Variants in NSF observed in about 807,000 individuals in gnomAD.
NSF encodes N-ethylmaleimide sensitive factor, vesicle fusing ATPase, also known as vesicle-fusing ATPase.
NSF carries 14 observed loss-of-function variants against 50.3 expected under a neutral mutation model. The ratio of observed to expected loss-of-function variants is 0.28; its 90% CI spans 0.18 to 0.44. The LOEUF (loss-of-function observed/expected upper bound fraction) is 0.44. NSF is among the 20% of genes least tolerant of loss of function. The pLI is 1.00. For missense variants in NSF, 218 were observed against 504.3 expected, an observed-to-expected ratio of 0.43 and a Z score of 5.44; for synonymous variants, 109 against 175.7, an observed-to-expected ratio of 0.62 and a Z score of 3.00.
Position 46,711,089 on chromosome 17 carries a change from C to G in NSF, c.1597C>G (p.Arg533Gly). The G allele has an allele frequency of 6.4e-7, 1 of 1,560,304 alleles. No individual in the cohort carries two copies. The highest frequency in any genetic ancestry group is 8.6e-7 in the Non-Finnish European group (1 of 1,160,440). Residue 533 changes from arginine (R) to glycine (G), a missense_variant, in exon 14 of 21, where the codon CGC (arginine) becomes GGC (glycine). Around this residue, in one of 2 missense-constraint regions of NSF, gnomAD observed 209 missense variants for 320.9 expected, o/e 0.65. Coordinates refer to ENST00000398238, the MANE Select transcript of NSF (RefSeq NM_006178.4). ...LLVQQTKNSD[R>G]TPLVSVLLEG... is the part of the protein sequence containing the mutation. ...GGTGCAGCAGACTAAGAACAGTGACCGCACACCATTGGTCAGCGTGCTTCT... is the reference window on the plus strand; with the variant it reads ...GGTGCAGCAGACTAAGAACAGTGACGGCACACCATTGGTCAGCGTGCTTCT...
intron 15 of NSF, among the ~76,000 whole-genome samples, chr17:46,715,690 AT>A (rs2058761202): frequency 6.6e-6 from 1 of 152,154 alleles, no homozygotes; most frequent in South Asian, 2.1e-4. Flanking sequence ...CATTTTTATT[AT>A]TTTAATCTCT....
chr17:46,602,155 AACAGAACGAG>A (rs1362991158), intron 1 of NSF, among the ~76,000 whole-genome samples: 1 of 126,476 alleles, frequency 7.9e-6, no homozygotes, highest in Non-Finnish European at 1.6e-5. Flanking sequence ...CAGCCTGGGC[AACAGAACGAG>A]ACAGTTTTTT....
At chr17:46,750,624 T>C (rs1160941883) in intron 18 of NSF, among the ~76,000 whole-genome samples, 1 of 152,234 alleles carries the variant, frequency 6.6e-6, no homozygotes, top group African/African-American at 2.4e-5. Context: ...AGTGAGTTAA[T>C]TTCCCATTCC....
chr17:46,721,386 CA>C (rs1428768406), intron 15 of NSF, among the ~76,000 whole-genome samples: 5 of 152,182 alleles, frequency 3.3e-5, no homozygotes, highest in Admixed American at 2.0e-4. Flanking sequence ...CTCTTTCCCA[CA>C]TTGTTTCCTT....
rs561491079 is a variant in NSF at position 46,675,586 on chromosome 17, A to T, written c.945+973A>T. On this transcript the variant is annotated intron_variant, in intron 9 of 20. Transcript: ENST00000398238. ...AACGATTATGGAGGCTGACATATATATGTGGGTGTATATGCATACATACAT... is the reference window on the plus strand; with the variant it reads ...AACGATTATGGAGGCTGACATATATTTGTGGGTGTATATGCATACATACAT... Among the ~76,000 whole-genome samples, 1,200 of 128,834 alleles carry T rather than the reference A, an allele frequency of 9.3e-3. 71 individuals carry two copies. The highest frequency in any genetic ancestry group is 0.015 in the Middle Eastern group (4 of 264). 84.5% of individuals were successfully genotyped at this position (128,834 alleles called of 152,430 possible). A position where few individuals can be genotyped will look rare whatever the true frequency, so the allele number is the denominator to read the frequency against.
At chr17:46,728,990 C>T (rs1211457675) in intron 17 of NSF, 56 bp downstream of exon 17, 3 of 1,061,548 alleles carry the variant, frequency 2.8e-6, no homozygotes, top group African/African-American at 3.2e-5. Flanking sequence ...CAGTAAATCG[C>T]ATATAATGAT....
intron 1 of NSF, among the ~76,000 whole-genome samples, chr17:46,598,459 C>T (rs1421420327): frequency 6.6e-6 from 1 of 151,904 alleles, no homozygotes; most frequent in Non-Finnish European, 1.5e-5. Flanking sequence ...TCTGAAAATA[C>T]ACATACTTTA....
chr17:46,625,946 C>T (rs1485754273), intron 2 of NSF, among the ~76,000 whole-genome samples: 1 of 138,286 alleles, frequency 7.2e-6, no homozygotes, highest in Non-Finnish European at 1.5e-5. Context: ...TTCTATCTTA[C>T]ACATAGTACT....
chr17:46,750,007 T>C (rs2059166204), intron 18 of NSF, 100 bp downstream of exon 18: 1 of 1,331,444 alleles, frequency 7.5e-7, no homozygotes, highest in Admixed American at 2.0e-5. Flanking sequence ...TTTATGCTAA[T>C]CTGGAACATG....
intron 17 of NSF, among the ~76,000 whole-genome samples, chr17:46,732,826 G>A (rs1284131584): frequency 6.6e-6 from 1 of 152,186 alleles, no homozygotes; most frequent in Non-Finnish European, 1.5e-5. Context: ...GAAAAGGGCT[G>A]TCCCAGCAGG....
intron 17 of NSF, among the ~76,000 whole-genome samples, chr17:46,744,030 G>A (rs752004649): frequency 1.1e-4 from 16 of 152,038 alleles, no homozygotes; most frequent in Non-Finnish European, 1.6e-4. Flanking sequence ...TGTTGTCATT[G>A]TCTTTGCAGT....
At chr17:46,724,422 T>TA (rs1192275337) in intron 15 of NSF, among the ~76,000 whole-genome samples, 1 of 152,200 alleles carries the variant, frequency 6.6e-6, no homozygotes, top group African/African-American at 2.4e-5. Flanking sequence ...GGCCCCGCCT[T>TA]ACATCTGATT....
chr17:46,715,882 A>G (rs1193198293), intron 15 of NSF, among the ~76,000 whole-genome samples: 1 of 152,182 alleles, frequency 6.6e-6, no homozygotes, highest in African/African-American at 2.4e-5. Flanking sequence ...CTTATTCAAA[A>G]TTGTTTTAAT....
At chr17:46,684,901 G>T (rs2058482400) in intron 9 of NSF, among the ~76,000 whole-genome samples, 1 of 102,714 alleles carries the variant, frequency 9.7e-6, no homozygotes, top group African/African-American at 3.7e-5. Context: ...GTAATTTCTA[G>T]TGTGATGAAA....
rs1283554071 is a variant in NSF at position 46,747,212 on chromosome 17, A to G, written c.1909-2561A>G. ...AAGCCTCCAGAAAACAAATTGGAAA[A>G]AGGGGCAAGTCATAGGAAACAGACA... On this transcript the variant is annotated intron_variant, in intron 17 of 20. Transcript: ENST00000398238. 2.0e-5 allele frequency among the ~76,000 whole-genome samples: 3 copies of G among 152,212 alleles called. No individual in the cohort carries two copies. The East Asian group carries it at 5.8e-4, about 29-fold the overall frequency.
chr17:46,749,935 T>C lies in NSF; in HGVS notation c.2043+28T>C, dbSNP rs78354852. 6.8e-3 allele frequency: 10,905 copies of C among 1,603,470 alleles called. 52 individuals carry two copies. The highest frequency in any genetic ancestry group is 7.8e-3 in the Non-Finnish European group (9,165 of 1,173,736). On this transcript the variant is annotated intron_variant, in intron 18 of 20. Coordinates refer to ENST00000398238, the MANE Select transcript of NSF (RefSeq NM_006178.4). ...AAAAATGAGTCAATGGATTGCACAC[T>C]GTTTATAAGAAAGGAATTGAGGCTG...
intron 15 of NSF, 112 bp from the exon 16 acceptor site, chr17:46,726,437 T>C (rs888206663): frequency 3.3e-6 from 3 of 921,812 alleles, no homozygotes; most frequent in African/African-American, 1.6e-5. Context: ...GTCCAAAGTG[T>C]TGGTGTTTTC....
At chr17:46,738,839 C>T (rs1568055678) in intron 17 of NSF, among the ~76,000 whole-genome samples, 2 of 152,274 alleles carry the variant, frequency 1.3e-5, no homozygotes, top group African/African-American at 4.8e-5. Flanking sequence ...CAGTGGCTTA[C>T]GCCTATAATC....
At chr17:46,667,532 C>G (rs1192397827) in intron 8 of NSF, among the ~76,000 whole-genome samples, 1 of 142,020 alleles carries the variant, frequency 7.0e-6, no homozygotes, top group African/African-American at 2.5e-5. Flanking sequence ...CAGCACTGCT[C>G]TCCAGTTTAA....
Sources: allele counts gnomAD v4.1 joint callset (sites outside exome capture counted in the v4.1 genomes callset), GRCh38; gene constraint gnomAD v4.1.1; regional missense constraint gnomAD v4.1.1; transcripts MANE v1.5; gene names NCBI Gene and HGNC (gene_info 2026-07-23, HGNC 2026-07-21).